GRM7: variants seen among roughly 807,000 people sequenced by gnomAD.
GRM7 encodes glutamate metabotropic receptor 7.
In GRM7, 35 loss-of-function variants were observed where a neutral mutation model predicts 84.5. The observed-to-expected ratio is 0.41, with a 90% CI of 0.32 to 0.55. The LOEUF (loss-of-function observed/expected upper bound fraction) is 0.55, where lower values mean the gene tolerates loss of function less well. Among genes scored for constraint, GRM7 ranks in the 20% least tolerant of loss-of-function variants. The pLI is 0.19. For synonymous variants in GRM7, 487 were observed against 455.1 expected (o/e 1.07, Z -0.89); for missense variants, 1,003 against 1,194.6 (o/e 0.84, Z 2.36).
At chr3:7,303,757 C>T (rs749951919) in intron 3 of GRM7, among the ~76,000 whole-genome samples, 6 of 151,874 alleles carry the variant, frequency 4.0e-5, no homozygotes, top group African/African-American at 7.3e-5. Flanking sequence ...TTATTTTTCC[C>T]GAATATTTCT....
intron 7 of GRM7, among the ~76,000 whole-genome samples, chr3:7,530,896 T>G (rs1470907166): frequency 6.6e-6 from 1 of 152,138 alleles, no homozygotes; most frequent in Non-Finnish European, 1.5e-5. Flanking sequence ...TTCTGTAGGT[T>G]GCCTGTTCAC....
chr3:7,354,247 G>A (rs560346784), intron 4 of GRM7, among the ~76,000 whole-genome samples: 1 of 152,146 alleles, frequency 6.6e-6, no homozygotes, highest in Non-Finnish European at 1.5e-5. Context: ...CCAGACACTG[G>A]ATCTGAACTG....
chr3:7,260,508 T>C (rs919404067), intron 2 of GRM7, among the ~76,000 whole-genome samples: 3 of 152,226 alleles, frequency 2.0e-5, no homozygotes, highest in African/African-American at 7.2e-5. Context: ...TTCACAGTAG[T>C]ATCTGATGGC....
At position 7,405,113 on chromosome 3, in the gene GRM7, A is replaced by G. The variant is rs573210787; in HGVS notation, c.1034-9910A>G. Among the ~76,000 whole-genome samples the G allele has an allele frequency of 5.3e-5, 8 of 152,260 alleles. No homozygotes were observed. The East Asian group carries it at 1.5e-3, about 29-fold the overall frequency. ...CTCTGGGCATAGTAGTCACCTACAC[A>G]GTGGGAGATTTTGTTACTATTAATT... On this transcript the variant is annotated intron_variant, in intron 4 of 9. Coordinates refer to ENST00000357716, the MANE Select transcript of GRM7 (RefSeq NM_000844.4).
intron 9 of GRM7, among the ~76,000 whole-genome samples, chr3:7,703,456 T>C (rs1226637204): frequency 6.6e-6 from 1 of 151,792 alleles, no homozygotes; most frequent in Non-Finnish European, 1.5e-5. Flanking sequence ...TTTTTTAATC[T>C]GGTGGATGGC....
intron 5 of GRM7, among the ~76,000 whole-genome samples, chr3:7,419,580 G>A (rs547694863): frequency 6.6e-6 from 1 of 152,206 alleles, no homozygotes; most frequent in East Asian, 1.9e-4. Context: ...AACTCAGAAG[G>A]AGGTTCTGAG....
At chr3:7,648,157 G>A (rs981452039) in intron 8 of GRM7, among the ~76,000 whole-genome samples, 132 of 151,790 alleles carry the variant, frequency 8.7e-4, no homozygotes, top group African/African-American at 3.1e-3. Flanking sequence ...AAGAGTTTTG[G>A]GGGCTCCCAA....
intron 1 of GRM7, among the ~76,000 whole-genome samples, chr3:6,877,411 T>A (rs1695348764): frequency 6.6e-6 from 1 of 152,180 alleles, no homozygotes; most frequent in African/African-American, 2.4e-5. Flanking sequence ...GAAAAGTGGG[T>A]ATGTTCATGG....
At chr3:6,925,011 T>A (rs1697251342) in intron 1 of GRM7, among the ~76,000 whole-genome samples, 1 of 152,102 alleles carries the variant, frequency 6.6e-6, no homozygotes, top group African/African-American at 2.4e-5. Flanking sequence ...GCTTCTTATA[T>A]GGTAGAAGTG....
intron 6 of GRM7, among the ~76,000 whole-genome samples, chr3:7,457,316 T>C (rs911213567): frequency 3.3e-5 from 5 of 152,314 alleles, no homozygotes; most frequent in East Asian, 1.9e-4. Flanking sequence ...CCTCCTCTTA[T>C]GCATTGAGGA....
At position 7,098,198 on chromosome 3, in the gene GRM7, G is replaced by A. The variant is rs546110946; in HGVS notation, c.520-48254G>A. ...GTGTGTTATGAATGTTGAAATGATC[G>A]GCCAGGAAATATAATGTATAGCATT... On this transcript the variant is annotated intron_variant, in intron 1 of 9. Transcript: ENST00000357716. Among the ~76,000 whole-genome samples, 84 of 151,970 alleles carry A rather than the reference G, an allele frequency of 5.5e-4. 1 individual carries two copies. Among genetic ancestry groups the A allele is most frequent in the African/African-American group, 1.7e-3 (70 of 41,494 alleles).
intron 2 of GRM7, chr3:7,298,461 C>T (rs149536120): frequency 1.8e-5 from 8 of 452,216 alleles, no homozygotes; most frequent in Admixed American, 4.0e-5. Context: ...GATATTTGTA[C>T]GTGTACTATA....
chr3:6,945,609 C>T (rs547052590), intron 1 of GRM7, among the ~76,000 whole-genome samples: 5 of 152,148 alleles, frequency 3.3e-5, no homozygotes, highest in Admixed American at 2.6e-4. Flanking sequence ...AATGGTATTT[C>T]TAGTTCTAGA....
At chr3:6,993,233 T>C (rs1440239313) in intron 1 of GRM7, among the ~76,000 whole-genome samples, 1 of 152,174 alleles carries the variant, frequency 6.6e-6, no homozygotes, top group Admixed American at 6.5e-5. Flanking sequence ...CATGATTCAA[T>C]TACCTCACAC....
chr3:7,598,430 A>G (rs1225021548), intron 8 of GRM7, among the ~76,000 whole-genome samples: 5 of 152,178 alleles, frequency 3.3e-5, no homozygotes, highest in African/African-American at 1.2e-4. Flanking sequence ...AGGCAGACTC[A>G]GCTTTCATAT....
intron 4 of GRM7, among the ~76,000 whole-genome samples, chr3:7,352,218 G>A (rs1053116841): frequency 6.6e-6 from 1 of 151,974 alleles, no homozygotes; most frequent in African/African-American, 2.4e-5. Context: ...AGTACTGAGA[G>A]CACTGATAGT....
chr3:7,365,218 C>T (rs1165209544), intron 4 of GRM7, among the ~76,000 whole-genome samples: 2 of 151,756 alleles, frequency 1.3e-5, no homozygotes, highest in African/African-American at 4.8e-5. Context: ...TCCCTCTTCC[C>T]CTTTTGTTCT....
intron 1 of GRM7, among the ~76,000 whole-genome samples, chr3:6,955,001 G>C (rs1391912796): frequency 6.6e-6 from 1 of 152,108 alleles, no homozygotes; most frequent in East Asian, 1.9e-4. Flanking sequence ...TTGAAGGAGT[G>C]ATTGTATTAT....
At chr3:7,648,718 G>A (rs940477663) in intron 8 of GRM7, among the ~76,000 whole-genome samples, 9 of 151,858 alleles carry the variant, frequency 5.9e-5, no homozygotes. Context: ...GAAGTCTAAT[G>A]TTGTGAAAAT....
Sources: gnomAD v4.1 joint callset for allele counts (sites outside exome capture counted in the v4.1 genomes callset) on GRCh38, gnomAD v4.1.1 for gene constraint, MANE v1.5 for transcripts, NCBI Gene and HGNC (gene_info 2026-07-23, HGNC 2026-07-21) for gene names.